Variants in INSC observed in about 807,000 individuals in gnomAD.
INSC encodes protein inscuteable homolog.
Under a neutral mutation model 58.6 loss-of-function variants are expected in INSC, and 67 were observed. That is an observed-to-expected ratio of 1.14 (90% CI 0.94 to 1.40). INSC has a LOEUF of 1.40. Among genes scored for constraint, INSC ranks in the 40% most tolerant of loss-of-function variants. INSC has a pLI of 0.00. For missense variants in INSC, 714 were observed against 692.0 expected, an observed-to-expected ratio of 1.03 and a Z score of -0.36; for synonymous variants, 262 against 276.1, an observed-to-expected ratio of 0.95 and a Z score of 0.51.
Position 15,154,839 on chromosome 11 carries a change from A to G in INSC, c.56+5609A>G, listed in dbSNP as rs1945631. Among the ~76,000 whole-genome samples, 243 of 152,196 alleles carry G rather than the reference A, an allele frequency of 1.6e-3. 4 individuals are homozygous for G. The highest frequency in any genetic ancestry group is 0.014 in the Admixed American group (215 of 15,290). On this transcript the variant is annotated intron_variant, in intron 2 of 12. Transcript: ENST00000379556. ...GACAAAAATAACCCATGTTAGTGCC[A>G]CAGGGATAGGAAAGCAAACCCATTG... is the stretch of plus-strand genomic sequence containing the variant.
In INSC at chr11:15,238,961, C is replaced by T; in HGVS notation, c.1280C>T (p.Ser427Phe). The change falls in exon 11 of 13, where the codon TCT becomes TTT. Residue 427 changes from serine (S) to phenylalanine (F), a missense_variant. Ser to Phe is a radical substitution (Grantham distance 155, BLOSUM62 -2). Coordinates refer to ENST00000379556, the MANE Select transcript of INSC (RefSeq NM_001042536.3). ...IMGMLSEKPR[S>F]GTPAEVAACE... ...GGCATGCTGTCTGAAAAACCAAGGT[C>T]TGGGACTCCTGCTGAAGTGGCAGCC... is the stretch of plus-strand genomic sequence containing the variant. 6.2e-7 allele frequency: 1 copy of T among 1,614,194 alleles called. No individual in the cohort carries two copies. Among genetic ancestry groups the T allele is most frequent in the Non-Finnish European group, 8.5e-7 (1 of 1,180,020 alleles).
intron 6 of INSC, among the ~76,000 whole-genome samples, chr11:15,198,938 G>A (rs1279887322): frequency 6.6e-6 from 1 of 152,142 alleles, no homozygotes; most frequent in African/African-American, 2.4e-5. Flanking sequence ...TTTTACTGAA[G>A]TAATTACGTG....
upstream of INSC, chr11:15,112,661 T>C: frequency 2.2e-6 from 1 of 444,678 alleles, no homozygotes; most frequent in Non-Finnish European, 3.7e-6. Context: ...GGGGGGGCAT[T>C]TATGCCAAGT....
At chr11:15,248,475 C>T (rs1852615565), downstream of INSC, among the ~76,000 whole-genome samples, 1 of 152,152 alleles carries the variant, frequency 6.6e-6, no homozygotes, top group Non-Finnish European at 1.5e-5. Context: ...TAGGACTCCC[C>T]AGAGATCAGG....
chr11:15,203,367 TAC>T (rs1352736747), intron 7 of INSC, among the ~76,000 whole-genome samples: 1 of 152,152 alleles, frequency 6.6e-6, no homozygotes, highest in Non-Finnish European at 1.5e-5. Context: ...TTGCTTATAA[TAC>T]ACAGACACTC....
At chr11:15,127,850 C>T (rs1288910883) in intron 1 of INSC, among the ~76,000 whole-genome samples, 1 of 152,138 alleles carries the variant, frequency 6.6e-6, no homozygotes, top group Non-Finnish European at 1.5e-5. Context: ...CAAAAATTAA[C>T]TGGGCGTGGA....
At chr11:15,143,950 T>C (rs950958360) in intron 1 of INSC, among the ~76,000 whole-genome samples, 1 of 152,190 alleles carries the variant, frequency 6.6e-6, no homozygotes, top group Non-Finnish European at 1.5e-5. Context: ...ACTTGATTCT[T>C]CTGCAGGTAC....
chr11:15,217,630 C>T (rs1403936942), intron 7 of INSC, among the ~76,000 whole-genome samples: 1 of 152,068 alleles, frequency 6.6e-6, no homozygotes, highest in African/African-American at 2.4e-5. Flanking sequence ...AACTTGCTGG[C>T]AGCAGACCAA....
At chr11:15,111,713 C>T (rs763130582), upstream of INSC, among the ~76,000 whole-genome samples, 1 of 152,154 alleles carries the variant, frequency 6.6e-6, no homozygotes, top group Non-Finnish European at 1.5e-5. Flanking sequence ...AACCACCTGG[C>T]CTCCCTTTTC....
chr11:15,200,879 T>A lies in INSC; in HGVS notation c.749T>A (p.Leu250Ter). The A allele has an allele frequency of 6.2e-7, 1 of 1,613,952 alleles. No homozygotes were observed. The highest frequency in any genetic ancestry group is 8.5e-7 in the Non-Finnish European group (1 of 1,180,006). Residue 250 changes from leucine (L) to a stop codon, truncating the protein, a stop_gained, in exon 7 of 13, where the codon TTG (leucine) becomes TAG (stop). Transcript: ENST00000379556. LOFTEE classifies it high-confidence loss of function. ...KVCRQDSFRC[L>*]YPQALRTLAS... is the part of the protein sequence containing the mutation. The stretch of plus-strand genomic sequence containing the variant: ...TGCCGGCAGGACAGTTTCCGGTGCT[T>A]GTACCCCCAGGCGCTCCGCACGCTG...
intron 7 of INSC, 122 bp from the exon 8 acceptor site, chr11:15,221,355 G>A: frequency 8.5e-7 from 1 of 1,182,748 alleles, no homozygotes; most frequent in Non-Finnish European, 1.2e-6. Context: ...GTCCTGGGCT[G>A]TTCTGGGAAG....
chr11:15,233,825 CTG>C (rs1262573589), intron 9 of INSC, among the ~76,000 whole-genome samples: 1 of 152,066 alleles, frequency 6.6e-6, no homozygotes. Context: ...GTCTCAGCCC[CTG>C]TGTGGTGGAA....
At chr11:15,144,343 A>G (rs1009140661) in intron 1 of INSC, among the ~76,000 whole-genome samples, 7 of 152,222 alleles carry the variant, frequency 4.6e-5, no homozygotes, top group African/African-American at 1.7e-4. Context: ...AACACTGGAA[A>G]AGGCCTGATT....
At position 15,225,643 on chromosome 11, in the gene INSC, C is replaced by T; in HGVS notation, c.992-7C>T. Reference sequence around the variant, plus strand: ...CGGAAGTTATTTTCTTTCTCTTTGCCATCCAGAACTGTGCCAAGAGGCCTC... The same window carrying T: ...CGGAAGTTATTTTCTTTCTCTTTGCTATCCAGAACTGTGCCAAGAGGCCTC... On this transcript the variant is annotated splice_region_variant and splice_polypyrimidine_tract_variant and intron_variant, in intron 8 of 12. Transcript: ENST00000379556. The T allele has an allele frequency of 6.2e-7, 1 of 1,605,048 alleles. No individual in the cohort carries two copies. The highest frequency in any genetic ancestry group is 2.2e-5 in the East Asian group (1 of 44,738).
chr11:15,120,348 C>A (rs1847840341), intron 1 of INSC, among the ~76,000 whole-genome samples: 1 of 152,118 alleles, frequency 6.6e-6, no homozygotes, highest in South Asian at 2.1e-4. Context: ...GACTTGTAAA[C>A]AAATAAAGGC....
intron 3 of INSC, 95 bp downstream of exon 3, chr11:15,176,181 G>T: frequency 9.5e-7 from 1 of 1,050,962 alleles, no homozygotes; most frequent in East Asian, 2.7e-5. Context: ...AATCTTTTTT[G>T]CTCCAGAAGC....
At chr11:15,231,375 C>A (rs1851918878) in intron 9 of INSC, among the ~76,000 whole-genome samples, 1 of 152,174 alleles carries the variant, frequency 6.6e-6, no homozygotes. Context: ...AATACACTAA[C>A]ACTAACAACA....
chr11:15,223,584 T>C (rs1489457063), intron 8 of INSC, among the ~76,000 whole-genome samples: 2 of 152,220 alleles, frequency 1.3e-5, no homozygotes, highest in East Asian at 1.9e-4. Context: ...TAGGTGGTTG[T>C]GTTAATAATT....
intron 6 of INSC, 91 bp downstream of exon 6, chr11:15,190,905 T>C: frequency 1.2e-6 from 1 of 833,914 alleles, no homozygotes; most frequent in Non-Finnish European, 2.0e-6. Flanking sequence ...TCACGAGGTC[T>C]GTCTTGGCCC....
Sources: allele counts gnomAD v4.1 joint callset (sites outside exome capture counted in the v4.1 genomes callset), GRCh38; gene constraint gnomAD v4.1.1; transcripts MANE v1.5; gene names NCBI Gene and HGNC (gene_info 2026-07-23, HGNC 2026-07-21).